The following ZNRF2 variants were observed in gnomAD, a reference collection of about 807,000 sequenced individuals.
The protein encoded by ZNRF2 is zinc and ring finger 2.
ZNRF2 carries 16 observed loss-of-function variants against 20.4 expected under a neutral mutation model. The ratio of observed to expected loss-of-function variants is 0.79; its 90% CI spans 0.53 to 1.19. ZNRF2 has a LOEUF of 1.19. Ranked by LOEUF, ZNRF2 falls within the 50% of genes most tolerant of loss-of-function variation. The pLI is 0.00. For synonymous variants in ZNRF2, 178 were observed against 144.9 expected, an observed-to-expected ratio of 1.23 and a Z score of -1.64; for missense variants, 363 against 332.4, an observed-to-expected ratio of 1.09 and a Z score of -0.72.
At chr7:30,319,618 G>C (rs574463163) in intron 1 of ZNRF2, among the ~76,000 whole-genome samples, 4 of 152,302 alleles carry the variant, frequency 2.6e-5, no homozygotes, top group African/African-American at 9.6e-5. Flanking sequence ...TCCAGGTATG[G>C]AAGAAATACA....
chr7:30,285,654 C>T lies in ZNRF2; in HGVS notation c.297C>T (p.Ser99=), dbSNP rs1798769525. ...SVASGARAAQ[S]PFSIPNSSSG... ...CGTCGGGGGCCCGCGCGGCGCAGTCCCCCTTCAGCATCCCGAACAGCAGCA... is the reference window on the plus strand; with the variant it reads ...CGTCGGGGGCCCGCGCGGCGCAGTCTCCCTTCAGCATCCCGAACAGCAGCA... Residue 99 remains serine (S), a synonymous_variant, in exon 1 of 5, where the codon TCC becomes TCT. Transcript: ENST00000323037. 3 of 1,382,908 alleles carry T rather than the reference C, an allele frequency of 2.2e-6. No individual in the cohort carries two copies. Among genetic ancestry groups the T allele is most frequent in the East Asian group, 3.1e-5 (1 of 32,416 alleles). The allele number at this position is 1,382,908 out of a possible 1,614,324, so 85.7% of individuals were successfully genotyped here.
At chr7:30,360,787 T>A (rs2127957788) in intron 3 of ZNRF2, among the ~76,000 whole-genome samples, 1 of 152,298 alleles carries the variant, frequency 6.6e-6, no homozygotes, top group Middle Eastern at 3.4e-3. Flanking sequence ...AAAAGCATAA[T>A]GCTGTTTTAT....
chr7:30,346,432 G>A (rs561287962), intron 2 of ZNRF2, among the ~76,000 whole-genome samples: 2 of 151,762 alleles, frequency 1.3e-5, no homozygotes, highest in East Asian at 3.9e-4. Flanking sequence ...CAGGTGATCC[G>A]CCTGCCTCGG....
At chr7:30,311,600 T>A (rs1799293474) in intron 1 of ZNRF2, among the ~76,000 whole-genome samples, 1 of 152,166 alleles carries the variant, frequency 6.6e-6, no homozygotes, top group South Asian at 2.1e-4. Context: ...TTGCGCTGGG[T>A]TCTAGGGTAG....
At chr7:30,322,074 C>T (rs1033865040) in intron 1 of ZNRF2, among the ~76,000 whole-genome samples, 2 of 151,578 alleles carry the variant, frequency 1.3e-5, no homozygotes, top group Non-Finnish European at 2.9e-5. Flanking sequence ...TTGTGTTGGG[C>T]CACATTAGGC....
At chr7:30,331,913 A>G (rs1383322432) in intron 2 of ZNRF2, among the ~76,000 whole-genome samples, 1 of 152,222 alleles carries the variant, frequency 6.6e-6, no homozygotes, top group Non-Finnish European at 1.5e-5. Flanking sequence ...ATAATGGATC[A>G]GAAATGGTCA....
intron 2 of ZNRF2, among the ~76,000 whole-genome samples, chr7:30,339,210 T>A (rs968463603): frequency 2.0e-5 from 3 of 152,240 alleles, no homozygotes; most frequent in African/African-American, 7.2e-5. Flanking sequence ...TCTCCCATTC[T>A]ATAGGTTGCC....
chr7:30,346,782 C>G (rs534797334), intron 2 of ZNRF2, among the ~76,000 whole-genome samples: 54 of 152,074 alleles, frequency 3.6e-4, no homozygotes, highest in African/African-American at 1.3e-3. Context: ...TTACTTTCTT[C>G]TAGTATTTCT....
chr7:30,355,964 G>T (rs900897856), intron 3 of ZNRF2, 131 bp downstream of exon 3: 3 of 585,650 alleles, frequency 5.1e-6, no homozygotes, highest in Non-Finnish European at 5.9e-6. Context: ...AAAACTTAAT[G>T]ATCTTTTTTC....
intron 2 of ZNRF2, among the ~76,000 whole-genome samples, chr7:30,340,748 G>A (rs1049307120): frequency 6.6e-6 from 1 of 151,962 alleles, no homozygotes; most frequent in African/African-American, 2.4e-5. Context: ...GGATGATGCT[G>A]GCCTCATAAA....
At chr7:30,301,691 G>A (rs1438198296) in intron 1 of ZNRF2, among the ~76,000 whole-genome samples, 3 of 130,010 alleles carry the variant, frequency 2.3e-5, no homozygotes, top group African/African-American at 1.0e-4. Context: ...AGGATAATGA[G>A]GCTTTTTTTA....
intron 1 of ZNRF2, among the ~76,000 whole-genome samples, chr7:30,286,046 C>G (rs902708312): frequency 3.3e-5 from 5 of 152,232 alleles, no homozygotes; most frequent in Non-Finnish European, 7.3e-5. Context: ...TTTAAACATC[C>G]TGAGCACCCT....
At chr7:30,341,973 A>G (rs1799802137) in intron 2 of ZNRF2, among the ~76,000 whole-genome samples, 1 of 151,752 alleles carries the variant, frequency 6.6e-6, no homozygotes, top group East Asian at 1.9e-4. Context: ...ACCATTATGT[A>G]ATGCGCTTCT....
At chr7:30,330,587 T>A (rs192922890) in intron 2 of ZNRF2, among the ~76,000 whole-genome samples, 1 of 152,126 alleles carries the variant, frequency 6.6e-6, no homozygotes, top group South Asian at 2.1e-4. Context: ...AAGAGCATAT[T>A]TTTTCCCACT....
chr7:30,349,243 C>G (rs948363971), intron 2 of ZNRF2, among the ~76,000 whole-genome samples: 1 of 152,116 alleles, frequency 6.6e-6, no homozygotes, highest in Non-Finnish European at 1.5e-5. Flanking sequence ...AAATGAGGCT[C>G]AAAGAGGTTT....
chr7:30,311,166 G>GT (rs918819748), intron 1 of ZNRF2, among the ~76,000 whole-genome samples: 15 of 152,126 alleles, frequency 9.9e-5, no homozygotes, highest in African/African-American at 2.9e-4. Context: ...TCTGGGTCTT[G>GT]TTTTTGGCCT....
intron 2 of ZNRF2, among the ~76,000 whole-genome samples, chr7:30,328,147 C>A (rs1328048054): frequency 2.0e-5 from 3 of 152,082 alleles, no homozygotes; most frequent in African/African-American, 4.8e-5. Flanking sequence ...TCAGACCCCC[C>A]CCAAAATGTC....
rs1283198289 is a variant in ZNRF2, at chr7:30,366,486, GA to G, written c.*479del. ...TTCTGCATTCATCTGTTCTTAAATT[GA>G]AAAACATATAATTTACTTCTTATAA... On this transcript the variant is annotated 3_prime_UTR_variant, in exon 5 of 5. Transcript: ENST00000323037. 1 of 152,332 alleles carries G rather than the reference GA, an allele frequency of 6.6e-6. No individual in the cohort carries two copies. Among genetic ancestry groups the G allele is most frequent in the Non-Finnish European group, 1.5e-5 (1 of 67,948 alleles). 9.4% of individuals were successfully genotyped at this position (152,332 alleles called of 1,614,324 possible).
intron 1 of ZNRF2, among the ~76,000 whole-genome samples, chr7:30,291,124 A>G (rs1798900137): frequency 6.6e-6 from 1 of 152,248 alleles, no homozygotes. Flanking sequence ...AGGGCAGTAC[A>G]GACTAAAGAA....
Sources: gnomAD v4.1 joint callset for allele counts (sites outside exome capture counted in the v4.1 genomes callset) on GRCh38, gnomAD v4.1.1 for gene constraint, MANE v1.5 for transcripts, NCBI Gene and HGNC (gene_info 2026-07-23, HGNC 2026-07-21) for gene names.